SSTR3: variants seen among roughly 807,000 people sequenced by gnomAD.
The protein encoded by SSTR3 is somatostatin receptor 3, also known as somatostatin receptor type 3.
For synonymous variants in SSTR3, 281 were observed against 269.2 expected, an observed-to-expected ratio of 1.04 and a Z score of -0.43; for missense variants, 504 against 604.7, an observed-to-expected ratio of 0.83 and a Z score of 1.75.
In SSTR3 at chr22:37,212,284, G is replaced by T. The variant is rs1824731267; in HGVS notation, c.-496C>A. The T allele has an allele frequency of 1.1e-5, 3 of 268,078 alleles. No homozygotes were observed. Among genetic ancestry groups the T allele is most frequent in the Admixed American group, 6.5e-5 (1 of 15,310 alleles). 16.6% of individuals were successfully genotyped at this position (268,078 alleles called of 1,614,324 possible). ...GAGGAGACCGTGAGTAGGAGGAAAG[G>T]CAGAATGAGGGGGAGTGATGAGAGA... is the stretch of plus-strand genomic sequence containing the variant. On this transcript the variant is annotated 5_prime_UTR_variant, in exon 1 of 2. Transcript: ENST00000610913.
the SSTR3 span, among the ~76,000 whole-genome samples, chr22:37,218,760 T>C: frequency 6.6e-6 from 1 of 151,684 alleles, no homozygotes; most frequent in Non-Finnish European, 1.5e-5. Context: ...CTTGCTGGGG[T>C]TAGGGAGGGG....
chr22:37,211,590 C>T (rs1342886659), intron 1 of SSTR3, among the ~76,000 whole-genome samples: 1 of 152,160 alleles, frequency 6.6e-6, no homozygotes, highest in East Asian at 1.9e-4. Context: ...CCCTCCAGCC[C>T]TGACAGCCTG....
chr22:37,211,028 A>G, intron 1 of SSTR3: 1 of 969,712 alleles, frequency 1.0e-6, no homozygotes, highest in African/African-American at 1.8e-5. Flanking sequence ...GTTGAGGCTC[A>G]GAGAGGTTGA....
At position 37,207,556 on chromosome 22, in the gene SSTR3, A is replaced by T; in HGVS notation, c.248T>A (p.Ile83Asn). The T allele has an allele frequency of 6.2e-7, 1 of 1,613,704 alleles. No homozygotes were observed. Among genetic ancestry groups the T allele is most frequent in the Non-Finnish European group, 8.5e-7 (1 of 1,179,968 alleles). The change falls in exon 2 of 2, where the codon ATC becomes AAC. Residue 83 changes from isoleucine to asparagine, a missense_variant. Ile to Asn is a moderately radical substitution (Grantham distance 149). Transcript: ENST00000610913. ...CTCGTCGGCCAGCGCCAGGTTGAGG[A>T]TGTAGACGTTGGTGACTGAAGGGCT... is the stretch of plus-strand genomic sequence containing the variant. ...TASPSVTNVY[I>N]LNLALADELF...
the SSTR3 span, among the ~76,000 whole-genome samples, chr22:37,217,741 T>C: frequency 6.6e-6 from 1 of 152,206 alleles, no homozygotes; most frequent in Admixed American, 6.5e-5. Flanking sequence ...TCTCACTCTG[T>C]CACCCAGGCT....
In SSTR3 at chr22:37,207,442, G is replaced by T; in HGVS notation, c.362C>A (p.Ala121Glu). The change falls in exon 2 of 2, where the codon GCG (alanine) becomes GAG (glutamate). Residue 121 changes from alanine to glutamate, a missense_variant. Physicochemically the swap from Ala to Glu is moderately radical, Grantham distance 107. Transcript: ENST00000610913. ...FGSLMCRLVM[A>E]VDGINQFTSI... ...GGTGAACTGGTTGATGCCATCCACC[G>T]CCATGACCAGGCGGCACATGAGGGA... 1 of 1,613,626 alleles carries T rather than the reference G, an allele frequency of 6.2e-7. No homozygotes were observed. The highest frequency in any genetic ancestry group is 8.5e-7 in the Non-Finnish European group (1 of 1,179,958).
At chr22:37,208,044 A>C (rs371695756) in intron 1 of SSTR3, among the ~76,000 whole-genome samples, 24 of 152,174 alleles carry the variant, frequency 1.6e-4, no homozygotes, top group African/African-American at 5.8e-4. Context: ...CCCTTTTCTC[A>C]GATGAGGAAA....
At chr22:37,211,761 G>A (rs1405403192) in intron 1 of SSTR3, 64 bp downstream of exon 1, 1 of 985,308 alleles carries the variant, frequency 1.0e-6, no homozygotes, top group Non-Finnish European at 1.2e-6. Flanking sequence ...AGTTCATCCT[G>A]GGCAGAGGAT....
chr22:37,207,897 C>T, intron 1 of SSTR3, 58 bp from the exon 2 acceptor site: 3 of 1,386,176 alleles, frequency 2.2e-6, no homozygotes, highest in East Asian at 2.7e-5. Context: ...TGTGCTGCCC[C>T]CTCCCATCAT....
Position 37,211,960 on chromosome 22 carries a change from G to A in SSTR3, c.-172C>T, listed in dbSNP as rs1029445313. On this transcript the variant is annotated 5_prime_UTR_variant, in exon 1 of 2. Coordinates refer to ENST00000610913, the MANE Select transcript of SSTR3 (RefSeq NM_001051.5). ...CCCACAAGGCACCCACTTCTAGACCGCTTGCGGGCTCAGGTTCCCTCCCAG... is the reference window on the plus strand; with the variant it reads ...CCCACAAGGCACCCACTTCTAGACCACTTGCGGGCTCAGGTTCCCTCCCAG... 3.1e-5 allele frequency: 31 copies of A among 985,628 alleles called. No individual in the cohort carries two copies. Among genetic ancestry groups the A allele is most frequent in the South Asian group, 1.4e-4 (3 of 21,300 alleles). The allele number at this position is 985,628 out of a possible 1,614,324, so 61.1% of individuals were successfully genotyped here. A position where few individuals can be genotyped will look rare whatever the true frequency, so the allele number is the denominator to read the frequency against.
At chr22:37,210,627 T>G (rs1926134421) in intron 1 of SSTR3, 10 of 985,366 alleles carry the variant, frequency 1.0e-5, no homozygotes, top group Non-Finnish European at 1.2e-5. Context: ...GGACTTTTCC[T>G]CCCTGTCTGG....
Position 37,212,059 on chromosome 22 carries a change from A to G in SSTR3, c.-271T>C. On this transcript the variant is annotated 5_prime_UTR_variant, in exon 1 of 2. Coordinates refer to ENST00000610913, the MANE Select transcript of SSTR3 (RefSeq NM_001051.5). The stretch of plus-strand genomic sequence containing the variant: ...CCTGACTTCCCAACCAGAGCCTGGT[A>G]CGTCACCCCCCATCTCCAGGACACA... The G allele has an allele frequency of 1.0e-6, 1 of 985,588 alleles. No individual in the cohort carries two copies. Among genetic ancestry groups the G allele is most frequent in the South Asian group, 4.7e-5 (1 of 21,278 alleles). 61.1% of individuals were successfully genotyped at this position (985,588 alleles called of 1,614,324 possible).
chr22:37,210,383 T>A (rs540710798), intron 1 of SSTR3, among the ~76,000 whole-genome samples: 1 of 152,292 alleles, frequency 6.6e-6, no homozygotes, highest in African/African-American at 2.4e-5. Context: ...AGCCAGACCC[T>A]CCTTTGTACC....
intron 1 of SSTR3, chr22:37,210,607 T>G (rs1926132914): frequency 1.0e-6 from 1 of 985,338 alleles, no homozygotes; most frequent in African/African-American, 1.7e-5. Flanking sequence ...AGTTCATCCT[T>G]GAGAAGGAGG....
At chr22:37,217,797 G>A in the SSTR3 span, among the ~76,000 whole-genome samples, 2 of 152,144 alleles carry the variant, frequency 1.3e-5, no homozygotes, top group African/African-American at 4.8e-5. Context: ...TCCGCCTCCT[G>A]GGTTCAAGTG....
Position 37,206,881 on chromosome 22 carries a change from G to T in SSTR3, c.923C>A (p.Ala308Asp). 6.2e-7 allele frequency: 1 copy of T among 1,613,544 alleles called. No individual in the cohort carries two copies. Among genetic ancestry groups the T allele is most frequent in the Non-Finnish European group, 8.5e-7 (1 of 1,180,014 alleles). Residue 308 changes from alanine (A) to aspartate (D), a missense_variant, in exon 2 of 2, where the codon GCC becomes GAC. Coordinates refer to ENST00000610913, the MANE Select transcript of SSTR3 (RefSeq NM_001051.5). ...VVALPYANSC[A>D]NPILYGFLSY... ...GAGGAAGCCATAAAGGATGGGGTTG[G>T]CACAGCTGTTGGCATAGGGCAGCGC...
rs988704213 is a variant in SSTR3 at position 37,205,160 on chromosome 22, G to C, written c.*1387C>G. ...CCCAGTCCTCCCAATGTCCCTGGTAGCCAGCTCCACCCTAGGGCTTTATTA... is the reference window on the plus strand; with the variant it reads ...CCCAGTCCTCCCAATGTCCCTGGTACCCAGCTCCACCCTAGGGCTTTATTA... On this transcript the variant is annotated 3_prime_UTR_variant, in exon 2 of 2. Transcript: ENST00000610913. 2 of 152,438 alleles carry C rather than the reference G, an allele frequency of 1.3e-5. No homozygotes were observed. The highest frequency in any genetic ancestry group is 4.8e-5 in the African/African-American group (2 of 41,442). 9.4% of individuals were successfully genotyped at this position (152,438 alleles called of 1,614,324 possible). A position where few individuals can be genotyped will look rare whatever the true frequency, so the allele number is the denominator to read the frequency against.
upstream of SSTR3, among the ~76,000 whole-genome samples, chr22:37,214,817 C>A (rs1926368237): frequency 6.6e-6 from 1 of 152,198 alleles, no homozygotes; most frequent in Non-Finnish European, 1.5e-5. Flanking sequence ...GGCCTAGGGA[C>A]CCCATGTAAC....
intron 1 of SSTR3, among the ~76,000 whole-genome samples, chr22:37,210,174 G>C (rs973968177): frequency 2.6e-5 from 4 of 152,200 alleles, no homozygotes; most frequent in African/African-American, 9.7e-5. Flanking sequence ...AGATGAGGGA[G>C]GGGAGCACCA....
Sources: allele counts gnomAD v4.1 joint callset (sites outside exome capture counted in the v4.1 genomes callset), GRCh38; gene constraint gnomAD v4.1.1; transcripts MANE v1.5; gene names NCBI Gene and HGNC (gene_info 2026-07-23, HGNC 2026-07-21).